The following SLC24A3 variants were observed in gnomAD, a reference collection of about 807,000 sequenced individuals.
SLC24A3 encodes sodium/potassium/calcium exchanger 3.
Under a neutral mutation model 75.8 loss-of-function variants are expected in SLC24A3, and 28 were observed. The ratio of observed to expected loss-of-function variants is 0.37; its 90% confidence interval spans 0.27 to 0.51. SLC24A3 has a LOEUF of 0.51. Among genes scored for constraint, SLC24A3 ranks in the 20% least tolerant of loss-of-function variants. SLC24A3 has a pLI of 0.94. For missense variants in SLC24A3, 663 were observed against 847.8 expected (o/e 0.78, Z 2.71); for synonymous variants, 372 against 334.1 (o/e 1.11, Z -1.24).
At chr20:19,378,859 A>G (rs543733593) in intron 2 of SLC24A3, among the ~76,000 whole-genome samples, 88 of 151,958 alleles carry the variant, frequency 5.8e-4, no homozygotes, top group Non-Finnish European at 6.8e-4. Context: ...TGCAATTGGT[A>G]TCACCTAAGG....
intron 2 of SLC24A3, among the ~76,000 whole-genome samples, chr20:19,353,668 GTTCT>G (rs1297143458): frequency 3.3e-5 from 5 of 152,182 alleles, no homozygotes; most frequent in African/African-American, 1.2e-4. Context: ...CCTGAGCAGA[GTTCT>G]TTATCACATT....
chr20:19,332,941 G>GT (rs2054788653), intron 2 of SLC24A3, among the ~76,000 whole-genome samples: 1 of 150,870 alleles, frequency 6.6e-6, no homozygotes, highest in Admixed American at 6.8e-5. Flanking sequence ...TAGCTTTCTG[G>GT]TTTTGTCTCC....
intron 15 of SLC24A3, among the ~76,000 whole-genome samples, chr20:19,710,350 A>G (rs2032975040): frequency 6.6e-6 from 1 of 152,206 alleles, no homozygotes; most frequent in African/African-American, 2.4e-5. Context: ...GAAACTTGGT[A>G]TGAATGAGTA....
intron 1 of SLC24A3, chr20:19,263,959 CA>C (rs561917166): frequency 1.1e-4 from 16 of 151,898 alleles, no homozygotes; most frequent in Admixed American, 7.9e-4. Context: ...ATCTATGGGC[CA>C]GGGGCGGTGA....
intron 2 of SLC24A3, among the ~76,000 whole-genome samples, chr20:19,459,572 A>C (rs1007209414): frequency 6.6e-6 from 1 of 152,236 alleles, no homozygotes; most frequent in African/African-American, 2.4e-5. Flanking sequence ...GACATACTGC[A>C]ATATTCAATA....
chr20:19,273,336 G>T (rs1983386739), intron 1 of SLC24A3, among the ~76,000 whole-genome samples: 1 of 152,188 alleles, frequency 6.6e-6, no homozygotes, highest in Admixed American at 6.5e-5. Flanking sequence ...TGGTGATGGG[G>T]CCATTCTCCC....
chr20:19,552,659 A>G (rs2030715413), intron 3 of SLC24A3, among the ~76,000 whole-genome samples: 2 of 152,138 alleles, frequency 1.3e-5, no homozygotes, highest in Admixed American at 1.3e-4. Context: ...GATCCCATTC[A>G]CTTTCACTTT....
chr20:19,491,425 C>G (rs1988207652), intron 2 of SLC24A3, among the ~76,000 whole-genome samples: 1 of 152,228 alleles, frequency 6.6e-6, no homozygotes, highest in African/African-American at 2.4e-5. Flanking sequence ...GTTGGTTGAA[C>G]AGAAGTGTCA....
rs778046824 is a variant in SLC24A3 at position 19,696,015 on chromosome 20, C to CTTTTTTTTTT, written c.1492-773_1492-764dup. Reference sequence around the variant, plus strand: ...ATGGCTTTCCCCTTTTTTTCCTTTTCTTTTTTTTTTTTTTTTTTGTGAGAC... The same window carrying CTTTTTTTTTT: ...ATGGCTTTCCCCTTTTTTTCCTTTTCTTTTTTTTTTTTTTTTTTTTTTTTTTTTGTGAGAC... On this transcript the variant is annotated intron_variant, in intron 13 of 16. Transcript: ENST00000328041. Among the ~76,000 whole-genome samples, 324 of 108,058 alleles carry CTTTTTTTTTT rather than the reference C, an allele frequency of 3.0e-3. 16 individuals carry two copies. The highest frequency in any genetic ancestry group is 3.4e-3 in the African/African-American group (96 of 28,148). The allele number at this position is 108,058 out of a possible 152,430, so 70.9% of individuals were successfully genotyped here.
intron 2 of SLC24A3, among the ~76,000 whole-genome samples, chr20:19,458,956 C>A (rs7266021): frequency 0.5 from 76,603 of 151,938 alleles, 20,268 homozygotes; most frequent in Non-Finnish European, 0.59. Context: ...ACTGGTTAAC[C>A]CACTTGTTTT....
At position 19,361,109 on chromosome 20, in the gene SLC24A3, G is replaced by C. The variant is rs529734892; in HGVS notation, c.271+80022G>C. Among the ~76,000 whole-genome samples, 354 of 152,342 alleles carry C rather than the reference G, an allele frequency of 2.3e-3. 1 individual carries two copies. The highest frequency in any genetic ancestry group is 3.9e-3 in the Non-Finnish European group (265 of 68,032). ...CCCAAAGTGCTGGGATTACAGGCGTGAACCACTGCACCCGGCCAGAAATTT... is the reference window on the plus strand; with the variant it reads ...CCCAAAGTGCTGGGATTACAGGCGTCAACCACTGCACCCGGCCAGAAATTT... On this transcript the variant is annotated intron_variant, in intron 2 of 16. Coordinates refer to ENST00000328041, the MANE Select transcript of SLC24A3 (RefSeq NM_020689.4).
At chr20:19,220,845 A>G (rs1981689170) in intron 1 of SLC24A3, among the ~76,000 whole-genome samples, 2 of 152,224 alleles carry the variant, frequency 1.3e-5, no homozygotes, top group South Asian at 4.1e-4. Context: ...AAAGTAATAC[A>G]GTTGGTGCCA....
intron 3 of SLC24A3, among the ~76,000 whole-genome samples, chr20:19,516,655 C>T (rs1342788920): frequency 6.6e-6 from 1 of 152,220 alleles, no homozygotes; most frequent in Non-Finnish European, 1.5e-5. Flanking sequence ...CTGAGAAGAG[C>T]ACCTACAGTG....
At chr20:19,625,830 C>A (rs185356412) in intron 6 of SLC24A3, among the ~76,000 whole-genome samples, 5 of 152,280 alleles carry the variant, frequency 3.3e-5, no homozygotes, top group South Asian at 4.1e-4. Flanking sequence ...ATATATATAT[C>A]TTTCCCTGAA....
chr20:19,343,265 AGTTT>A (rs1985316889), intron 2 of SLC24A3, among the ~76,000 whole-genome samples: 1 of 151,958 alleles, frequency 6.6e-6, no homozygotes, highest in African/African-American at 2.4e-5. Flanking sequence ...GACTGAGAGC[AGTTT>A]GTTTGACCCA....
intron 2 of SLC24A3, among the ~76,000 whole-genome samples, chr20:19,319,444 C>T (rs759667635): frequency 2.0e-5 from 3 of 152,240 alleles, no homozygotes; most frequent in Non-Finnish European, 4.4e-5. Context: ...GCTGCTCACT[C>T]TTCCTCACTC....
chr20:19,397,887 CT>C (rs1440466174), intron 2 of SLC24A3, among the ~76,000 whole-genome samples: 1 of 151,980 alleles, frequency 6.6e-6, no homozygotes, highest in Admixed American at 6.6e-5. Context: ...AAGTGAGAGG[CT>C]CACAGAGAAT....
chr20:19,235,997 C>T (rs1568564721), intron 1 of SLC24A3, among the ~76,000 whole-genome samples: 1 of 152,234 alleles, frequency 6.6e-6, no homozygotes, highest in Non-Finnish European at 1.5e-5. Flanking sequence ...GTGAAGTGCT[C>T]ATGTATGAGA....
At chr20:19,599,548 A>G (rs1413795048) in intron 6 of SLC24A3, among the ~76,000 whole-genome samples, 3 of 152,142 alleles carry the variant, frequency 2.0e-5, no homozygotes, top group Non-Finnish European at 4.4e-5. Flanking sequence ...TTGGTTTAGA[A>G]CACCTGATAG....
Sources: allele counts gnomAD v4.1 joint callset (sites outside exome capture counted in the v4.1 genomes callset), GRCh38; gene constraint gnomAD v4.1.1; transcripts MANE v1.5; gene names NCBI Gene and HGNC (gene_info 2026-07-23, HGNC 2026-07-21).